UNC5C: variants seen among roughly 807,000 people sequenced by gnomAD.
UNC5C encodes netrin receptor UNC5C.
In UNC5C, 47 loss-of-function variants were observed where a neutral mutation model predicts 99.8. That is an observed-to-expected ratio of 0.47 (90% CI 0.37 to 0.60). UNC5C has a LOEUF of 0.60. UNC5C is among the 20% of genes least tolerant of loss of function. UNC5C has a pLI of 0.00. For missense variants in UNC5C, 1,062 were observed against 1,165.9 expected, an observed-to-expected ratio of 0.91 and a Z score of 1.30; for synonymous variants, 487 against 452.2, an observed-to-expected ratio of 1.08 and a Z score of -0.98.
chr4:95,468,252 C>T (rs1747859810), intron 1 of UNC5C, among the ~76,000 whole-genome samples: 1 of 151,952 alleles, frequency 6.6e-6, no homozygotes, highest in African/African-American at 2.4e-5. Flanking sequence ...TGAAAAGCAG[C>T]CTTGAATAAT....
intron 1 of UNC5C, among the ~76,000 whole-genome samples, chr4:95,427,425 C>T (rs531709790): frequency 2.2e-4 from 33 of 152,196 alleles, no homozygotes; most frequent in East Asian, 7.7e-4. Flanking sequence ...ATAGAGATAT[C>T]GCCCATGAAA....
At chr4:95,238,503 T>G (rs1438425438) in intron 7 of UNC5C, among the ~76,000 whole-genome samples, 1 of 152,168 alleles carries the variant, frequency 6.6e-6, no homozygotes, top group Non-Finnish European at 1.5e-5. Context: ...TGTCTACCAT[T>G]TAGCTCCATC....
intron 1 of UNC5C, among the ~76,000 whole-genome samples, chr4:95,432,464 G>T (rs1043013696): frequency 6.6e-6 from 1 of 152,082 alleles, no homozygotes; most frequent in East Asian, 1.9e-4. Flanking sequence ...ATTTCTTTAT[G>T]TGAGTCAAAA....
intron 1 of UNC5C, among the ~76,000 whole-genome samples, chr4:95,434,910 T>C (rs1041968620): frequency 6.6e-6 from 1 of 152,048 alleles, no homozygotes; most frequent in Non-Finnish European, 1.5e-5. Flanking sequence ...TACCAATATT[T>C]GTTAACTTCT....
intron 11 of UNC5C, among the ~76,000 whole-genome samples, chr4:95,204,759 C>A (rs1262724839): frequency 1.3e-5 from 2 of 152,202 alleles, no homozygotes; most frequent in African/African-American, 2.4e-5. Context: ...GTGTGTCCCA[C>A]AACCATTTGC....
intron 7 of UNC5C, among the ~76,000 whole-genome samples, chr4:95,241,872 T>C (rs1367456553): frequency 6.6e-6 from 1 of 152,218 alleles, no homozygotes; most frequent in African/African-American, 2.4e-5. Context: ...ATGTATGCTT[T>C]ATCAATATTT....
intron 4 of UNC5C, among the ~76,000 whole-genome samples, chr4:95,263,665 A>C (rs1740328847): frequency 6.6e-6 from 1 of 152,210 alleles, no homozygotes; most frequent in South Asian, 2.1e-4. Flanking sequence ...CCATTCACTG[A>C]GTCTATGCTC....
chr4:95,362,790 T>G (rs1744434112), intron 1 of UNC5C, among the ~76,000 whole-genome samples: 1 of 152,158 alleles, frequency 6.6e-6, no homozygotes, highest in Non-Finnish European at 1.5e-5. Context: ...TTGAATAACT[T>G]TAAATGAAAA....
intron 1 of UNC5C, among the ~76,000 whole-genome samples, chr4:95,387,613 A>T (rs1326125586): frequency 1.3e-5 from 2 of 152,224 alleles, no homozygotes; most frequent in Non-Finnish European, 2.9e-5. Context: ...AAAGGTTTTT[A>T]AAATAATGCA....
At chr4:95,274,625 C>T (rs1202139069) in intron 4 of UNC5C, among the ~76,000 whole-genome samples, 2 of 152,076 alleles carry the variant, frequency 1.3e-5, no homozygotes. Flanking sequence ...GAAAAGAAGA[C>T]CTACAAAGAG....
At chr4:95,494,865 T>C (rs888132280) in intron 1 of UNC5C, among the ~76,000 whole-genome samples, 2 of 151,444 alleles carry the variant, frequency 1.3e-5, no homozygotes, top group African/African-American at 4.8e-5. Flanking sequence ...TTGCCTTTAA[T>C]TGAAAACATT....
intron 1 of UNC5C, among the ~76,000 whole-genome samples, chr4:95,458,949 A>T (rs1384808546): frequency 6.6e-6 from 1 of 152,074 alleles, no homozygotes; most frequent in African/African-American, 2.4e-5. Context: ...TAGAATTATA[A>T]TTTATTGGTG....
chr4:95,352,343 G>T (rs1015163525), intron 1 of UNC5C, among the ~76,000 whole-genome samples: 2 of 152,074 alleles, frequency 1.3e-5, no homozygotes, highest in African/African-American at 4.8e-5. Context: ...CTCTAGGAAG[G>T]ATATTTCCTC....
chr4:95,242,738 A>T (rs2149378598), intron 6 of UNC5C, 145 bp from the exon 7 acceptor site: 1 of 439,292 alleles, frequency 2.3e-6, no homozygotes, highest in Non-Finnish European at 3.0e-6. Context: ...ATTGCTGGGA[A>T]CTGCATGTTC....
intron 1 of UNC5C, among the ~76,000 whole-genome samples, chr4:95,541,808 C>G (rs543956806): frequency 6.6e-6 from 1 of 152,102 alleles, no homozygotes; most frequent in Non-Finnish European, 1.5e-5. Context: ...TAAGGTGGTT[C>G]TTCTGAACAG....
intron 14 of UNC5C, among the ~76,000 whole-genome samples, chr4:95,178,934 T>TTAAAG (rs1038021616): frequency 3.5e-4 from 54 of 152,238 alleles, no homozygotes; most frequent in African/African-American, 1.3e-3. Flanking sequence ...GCCTTGAAAG[T>TTAAAG]TAAAGTAAAA....
At chr4:95,353,982 A>G (rs1325566283) in intron 1 of UNC5C, among the ~76,000 whole-genome samples, 2 of 152,152 alleles carry the variant, frequency 1.3e-5, no homozygotes, top group East Asian at 3.8e-4. Flanking sequence ...GTTCATGAGC[A>G]CAGAAAACCT....
At chr4:95,421,153 T>C (rs551327158) in intron 1 of UNC5C, among the ~76,000 whole-genome samples, 5 of 152,224 alleles carry the variant, frequency 3.3e-5, no homozygotes, top group Non-Finnish European at 7.3e-5. Flanking sequence ...CAAATTATAC[T>C]GGATCCTCAA....
chr4:95,462,072 G>A (rs748303544), intron 1 of UNC5C, among the ~76,000 whole-genome samples: 4 of 151,926 alleles, frequency 2.6e-5, no homozygotes, highest in Non-Finnish European at 5.9e-5. Flanking sequence ...TAGAGAAAAG[G>A]CTATATGCTG....
Sources: allele counts gnomAD v4.1 joint callset (sites outside exome capture counted in the v4.1 genomes callset), GRCh38; gene constraint gnomAD v4.1.1; transcripts MANE v1.5; gene names NCBI Gene and HGNC (gene_info 2026-07-23, HGNC 2026-07-21).